The following PTPRC variants were observed in gnomAD, a reference collection of about 807,000 sequenced individuals.
PTPRC encodes the protein receptor-type tyrosine-protein phosphatase C.
Under a neutral mutation model 155.9 loss-of-function variants are expected in PTPRC, and 44 were observed. The observed-to-expected ratio is 0.28, with a 90% CI of 0.22 to 0.36. The LOEUF (loss-of-function observed/expected upper bound fraction) is 0.36, where lower values mean the gene tolerates loss of function less well. Ranked by LOEUF, PTPRC falls within the 10% of genes least tolerant of loss-of-function variation. The pLI is 1.00. For missense variants in PTPRC, 1,401 were observed against 1,564.6 expected (o/e 0.90, Z 1.76); for synonymous variants, 525 against 533.1 (o/e 0.98, Z 0.21).
At chr1:198,714,483 A>G (rs1186967623) in intron 12 of PTPRC, among the ~76,000 whole-genome samples, 3 of 152,142 alleles carry the variant, frequency 2.0e-5, no homozygotes, top group African/African-American at 4.8e-5. Context: ...AGCTGTCCAC[A>G]TAGAACACTT....
intron 11 of PTPRC, among the ~76,000 whole-genome samples, chr1:198,712,471 TG>T (rs1342540302): frequency 6.6e-6 from 1 of 152,234 alleles, no homozygotes; most frequent in African/African-American, 2.4e-5. Context: ...GTATCTCAAA[TG>T]GGTACATTTT....
intron 2 of PTPRC, among the ~76,000 whole-genome samples, chr1:198,651,786 C>A (rs1404822955): frequency 1.3e-5 from 2 of 151,636 alleles, no homozygotes; most frequent in South Asian, 2.1e-4. Context: ...GGGAATAGTT[C>A]AATTTAATTT....
intron 15 of PTPRC, among the ~76,000 whole-genome samples, chr1:198,726,251 G>T (rs1252190268): frequency 6.6e-6 from 1 of 152,150 alleles, no homozygotes; most frequent in East Asian, 1.9e-4. Flanking sequence ...CATGCTGATT[G>T]ATATATGTAT....
chr1:198,669,978 A>G (rs762366986), intron 2 of PTPRC, among the ~76,000 whole-genome samples: 6 of 152,288 alleles, frequency 3.9e-5, no homozygotes, highest in East Asian at 3.9e-4. Context: ...TACTAATTTT[A>G]TTTTCTATTG....
At chr1:198,687,579 G>A (rs1571833682) in intron 2 of PTPRC, among the ~76,000 whole-genome samples, 2 of 150,868 alleles carry the variant, frequency 1.3e-5, no homozygotes, top group Admixed American at 1.3e-4. Flanking sequence ...TTCTGCTAAC[G>A]TTGATGTAAA....
chr1:198,750,952 T>C (rs1433850555), intron 29 of PTPRC, among the ~76,000 whole-genome samples: 1 of 152,018 alleles, frequency 6.6e-6, no homozygotes, highest in Admixed American at 6.6e-5. Flanking sequence ...CAAGATCTTT[T>C]TGTGATATCC....
chr1:198,668,497 G>A (rs74677706), intron 2 of PTPRC, among the ~76,000 whole-genome samples: 2,815 of 152,254 alleles, frequency 0.018, 90 homozygotes, highest in African/African-American at 0.065. Context: ...TTATGGACTT[G>A]CATACAAATT....
chr1:198,640,732 T>C (rs1662531251), intron 2 of PTPRC, among the ~76,000 whole-genome samples: 1 of 152,052 alleles, frequency 6.6e-6, no homozygotes, highest in African/African-American at 2.4e-5. Flanking sequence ...CATTTTTAAA[T>C]GAGCATAAAG....
chr1:198,643,052 G>A (rs1662723978), intron 2 of PTPRC, among the ~76,000 whole-genome samples: 1 of 150,878 alleles, frequency 6.6e-6, no homozygotes, highest in Non-Finnish European at 1.5e-5. Flanking sequence ...ACTTTCTCAA[G>A]GTGTTTAAGG....
chr1:198,667,054 T>A (rs1664354280), intron 2 of PTPRC: 1 of 152,222 alleles, frequency 6.6e-6, no homozygotes, highest in African/African-American at 2.4e-5. Context: ...GTCTTCATGC[T>A]CAGCATCTCC....
At chr1:198,691,067 A>T (rs908639468) in intron 2 of PTPRC, among the ~76,000 whole-genome samples, 3 of 152,056 alleles carry the variant, frequency 2.0e-5, no homozygotes, top group African/African-American at 7.2e-5. Flanking sequence ...CTTACTTGGA[A>T]AATTTGATTA....
intron 31 of PTPRC, 22 bp from the exon 32 acceptor site, chr1:198,754,247 C>T (rs1282546495): frequency 6.3e-7 from 1 of 1,596,608 alleles, no homozygotes; most frequent in Non-Finnish European, 8.6e-7. Context: ...GGATTATTTT[C>T]TATCTTTTCT....
intron 29 of PTPRC, 100 bp from the exon 30 acceptor site, chr1:198,752,149 A>C: frequency 1.5e-6 from 2 of 1,338,622 alleles, no homozygotes; most frequent in Non-Finnish European, 2.1e-6. Flanking sequence ...ATTTAATAGA[A>C]AAGAGGCACA....
intron 32 of PTPRC, 31 bp downstream of exon 32, chr1:198,754,435 G>A: frequency 6.2e-7 from 1 of 1,611,404 alleles, no homozygotes; most frequent in African/African-American, 1.3e-5. Context: ...CTTTTAACAT[G>A]CTCGGAATTT....
At position 198,662,444 on chromosome 1, in the gene PTPRC, CTGTGTG is replaced by C. The variant is rs5779935; in HGVS notation, c.73+23132_73+23137del. On this transcript the variant is annotated intron_variant, in intron 2 of 32. Transcript: ENST00000442510. Reference sequence around the variant, plus strand: ...ATTTTGGCTGGGAATTTTCTGAGAGCTGTGTGTGTGTGTGTGTGTGTGTGTGTGTGT... The same window carrying C: ...ATTTTGGCTGGGAATTTTCTGAGAGCTGTGTGTGTGTGTGTGTGTGTGTGT... Among the ~76,000 whole-genome samples, 223 of 131,230 alleles carry C rather than the reference CTGTGTG, an allele frequency of 1.7e-3. 1 individual carries two copies. Among genetic ancestry groups the C allele is most frequent in the Middle Eastern group, 3.7e-3 (1 of 270 alleles). The allele number at this position is 131,230 out of a possible 152,430, so 86.1% of individuals were successfully genotyped here. A position where few individuals can be genotyped will look rare whatever the true frequency, so the allele number is the denominator to read the frequency against.
intron 3 of PTPRC, chr1:198,694,748 CA>C: frequency 1.0e-6 from 1 of 955,740 alleles, no homozygotes; most frequent in Non-Finnish European, 1.2e-6. Flanking sequence ...ACTTTCTTTC[CA>C]CTCCCTTTCT....
intron 17 of PTPRC, among the ~76,000 whole-genome samples, chr1:198,730,813 T>C (rs1036092077): frequency 7.9e-5 from 12 of 152,140 alleles, no homozygotes; most frequent in Non-Finnish European, 1.5e-4. Flanking sequence ...TGTGATTGTA[T>C]AGAAAGTTTC....
chr1:198,680,046 G>A (rs924114085), intron 2 of PTPRC: 2 of 509,756 alleles, frequency 3.9e-6, no homozygotes, highest in Non-Finnish European at 3.5e-6. Flanking sequence ...TGGCATGGCT[G>A]TGCAAGAACG....
chr1:198,734,064 T>A, intron 20 of PTPRC, 132 bp from the exon 21 acceptor site: 1 of 866,698 alleles, frequency 1.2e-6, no homozygotes, highest in Non-Finnish European at 1.9e-6. Flanking sequence ...CCTTAATACT[T>A]TGAAACTGCC....
Sources: allele counts gnomAD v4.1 joint callset (sites outside exome capture counted in the v4.1 genomes callset), GRCh38; gene constraint gnomAD v4.1.1; transcripts MANE v1.5; gene names NCBI Gene and HGNC (gene_info 2026-07-23, HGNC 2026-07-21).